CRYAB: variants seen among roughly 807,000 people sequenced by gnomAD.
CRYAB encodes the protein alpha-crystallin B chain.
In CRYAB, 9 loss-of-function variants were observed where a neutral mutation model predicts 12.7. The observed-to-expected ratio is 0.71, with a 90% CI of 0.43 to 1.24. The LOEUF (loss-of-function observed/expected upper bound fraction) is 1.24, where lower values mean the gene tolerates loss of function less well. Ranked by LOEUF, CRYAB falls within the 50% of genes most tolerant of loss-of-function variation. The probability of loss-of-function intolerance (pLI) is 0.00; values close to 1 mark genes in which losing one functional copy is unlikely to be tolerated. For missense variants in CRYAB, 183 were observed against 226.6 expected (o/e 0.81, Z 1.24); for synonymous variants, 93 against 86.8 (o/e 1.07, Z -0.40).
upstream of CRYAB, chr11:111,913,682 C>T (rs782751614): frequency 2.5e-6 from 4 of 1,614,188 alleles, no homozygotes; most frequent in Non-Finnish European, 3.4e-6. Context: ...GCCACGGCTT[C>T]GTGTCCCGAG....
chr11:111,920,244 G>C (rs587767650), intron 1 of CRYAB, among the ~76,000 whole-genome samples: 1 of 151,884 alleles, frequency 6.6e-6, no homozygotes, highest in Admixed American at 6.5e-5. Flanking sequence ...ATAAATTAAA[G>C]GGCAGAAGTG....
chr11:111,912,493 C>CA, upstream of CRYAB: 1 of 430,588 alleles, frequency 2.3e-6, no homozygotes. Context: ...GTGAGGGTCT[C>CA]AGCGAGGCCT....
upstream of CRYAB, chr11:111,913,251 C>G (rs887558409): frequency 3.2e-6 from 2 of 630,740 alleles, no homozygotes; most frequent in African/African-American, 3.7e-5. Flanking sequence ...CCTCCCTTTC[C>G]TTTCCGTTCT....
Position 111,908,570 on chromosome 11 carries a change from G to A in CRYAB, c.*194C>T, listed in dbSNP as rs538657643. On this transcript the variant is annotated 3_prime_UTR_variant, in exon 3 of 3. Transcript: ENST00000650687. ...TAATGCAATCATAAATAGATCTGTG[G>A]TATCTGTATATTTATTTAAAAGTGT... 1.7e-6 allele frequency: 1 copy of A among 595,670 alleles called. No homozygotes were observed. Among genetic ancestry groups the A allele is most frequent in the African/African-American group, 1.9e-5 (1 of 53,964 alleles). 36.9% of individuals were successfully genotyped at this position (595,670 alleles called of 1,614,324 possible). A position where few individuals can be genotyped will look rare whatever the true frequency, so the allele number is the denominator to read the frequency against.
upstream of CRYAB, chr11:111,912,929 G>A: frequency 6.3e-7 from 1 of 1,591,216 alleles, no homozygotes; most frequent in Non-Finnish European, 8.5e-7. Context: ...AGAAGGTATG[G>A]CACAGACACC....
Position 111,908,860 on chromosome 11 carries a change from A to C in CRYAB, c.432T>G (p.Thr144=). The C allele has an allele frequency of 6.2e-7, 1 of 1,614,122 alleles. No individual in the cohort carries two copies. Among genetic ancestry groups the C allele is most frequent in the Non-Finnish European group, 8.5e-7 (1 of 1,180,014 alleles). Residue 144 remains threonine (T), a synonymous_variant, in exon 3 of 3, where the codon ACT becomes ACG. Transcript: ENST00000650687. ...AGACCTGTTTCCTTGGTCCATTCAC[A>C]GTGAGGACCCCATCAGATGACAGGG... The part of the protein sequence containing the change: ...TSSLSSDGVL[T]VNGPRKQVSG...
At chr11:111,917,434 T>A (rs1008936815), upstream of CRYAB, among the ~76,000 whole-genome samples, 3 of 152,038 alleles carry the variant, frequency 2.0e-5, no homozygotes, top group Non-Finnish European at 4.4e-5. Flanking sequence ...GAAAAGAAAG[T>A]AAGATGTGGG....
chr11:111,909,133 G>A lies in CRYAB; in HGVS notation c.325-166C>T, dbSNP rs1436922608. On this transcript the variant is annotated intron_variant, in intron 2 of 2. Coordinates refer to ENST00000650687, the MANE Select transcript of CRYAB (RefSeq NM_001289808.2). Reference sequence around the variant, plus strand: ...TCAGGGTTGCAGCTAAGATGAAATTGCCTAGGTAGTCACTCCTACCAGTGA... The same window carrying A: ...TCAGGGTTGCAGCTAAGATGAAATTACCTAGGTAGTCACTCCTACCAGTGA... The A allele has an allele frequency of 1.2e-5, 9 of 724,080 alleles. No individual in the cohort carries two copies. The Admixed American group carries it at 1.6e-4, about 13-fold the overall frequency. The allele number at this position is 724,080 out of a possible 1,614,324, so 44.9% of individuals were successfully genotyped here.
chr11:111,914,031 A>G, upstream of CRYAB: 1 of 795,808 alleles, frequency 1.3e-6, no homozygotes, highest in East Asian at 2.7e-5. Context: ...GTTTGGTCCC[A>G]TGGGACATGT....
chr11:111,909,304 G>C (rs1307797079), intron 2 of CRYAB: 3 of 460,932 alleles, frequency 6.5e-6, no homozygotes, highest in Non-Finnish European at 1.3e-5. Context: ...CTGAGTCCCT[G>C]AGGAAGCCCT....
At chr11:111,912,920 G>C, upstream of CRYAB, 6 of 1,601,826 alleles carry the variant, frequency 3.7e-6, no homozygotes, top group Non-Finnish European at 5.1e-6. Flanking sequence ...GCGCTTCGGA[G>C]AAGGTATGGC....
intron 1 of CRYAB, 135 bp from the exon 2 acceptor site, chr11:111,910,584 CT>C: frequency 1.7e-6 from 2 of 1,161,256 alleles, no homozygotes; most frequent in South Asian, 1.3e-5. Context: ...AAAAAATCTC[CT>C]TTTTAAATAA....
chr11:111,908,727 T>G lies in CRYAB; in HGVS notation c.*37A>C. The G allele has an allele frequency of 6.2e-7, 1 of 1,606,492 alleles. No individual in the cohort carries two copies. Among genetic ancestry groups the G allele is most frequent in the Non-Finnish European group, 8.5e-7 (1 of 1,174,828 alleles). ...GACTTTCATTCACTGGTGGGGAAAC[T>G]TTCTTGTTTTAAAAAATGCAATTCA... On this transcript the variant is annotated 3_prime_UTR_variant, in exon 3 of 3. Coordinates refer to ENST00000650687, the MANE Select transcript of CRYAB (RefSeq NM_001289808.2).
At chr11:111,917,089 C>G (rs1555166162), upstream of CRYAB, among the ~76,000 whole-genome samples, 1 of 152,128 alleles carries the variant, frequency 6.6e-6, no homozygotes, top group African/African-American at 2.4e-5. Context: ...ATCTTGAACT[C>G]CTGGGCTCAA....
At chr11:111,913,727 C>A, upstream of CRYAB, 1 of 1,614,114 alleles carries the variant, frequency 6.2e-7, no homozygotes, top group South Asian at 1.1e-5. Flanking sequence ...CTGCTGATGT[C>A]GACCCCTGGC....
rs148500053 is a variant in CRYAB, at chr11:111,911,640, C to T, written c.85G>A (p.Gly29Arg). ...SPSRLFDQFF[G>R]EHLLESDLFP... Reference sequence around the variant, plus strand: ...AGATCAGACTCCAACAGGTGCTCTCCGAAGAACTGGTCAAAGAGGCGGCTG... The same window carrying T: ...AGATCAGACTCCAACAGGTGCTCTCTGAAGAACTGGTCAAAGAGGCGGCTG... The change falls in exon 1 of 3, where the codon GGA becomes AGA. Residue 29 changes from glycine (G) to arginine (R), a missense_variant. Physicochemically the swap from Gly to Arg is moderately radical, Grantham distance 125. This residue lies in a region of CRYAB where 86 missense variants were observed against 96.1 expected (regional missense o/e 0.89). Transcript: ENST00000650687. The T allele has an allele frequency of 5.6e-6, 9 of 1,611,328 alleles. No homozygotes were observed. Among genetic ancestry groups the T allele is most frequent in the South Asian group, 2.2e-5 (2 of 90,354 alleles).
At chr11:111,911,946 C>T (rs1177868819), upstream of CRYAB, 1 of 559,108 alleles carries the variant, frequency 1.8e-6, no homozygotes, top group Non-Finnish European at 3.2e-6. Flanking sequence ...GACACAAACA[C>T]GTCTGAGCCG....
chr11:111,911,509 T>C lies in CRYAB; in HGVS notation c.201+15A>G, dbSNP rs1555165532. On this transcript the variant is annotated intron_variant, in intron 1 of 2. Transcript: ENST00000650687. ...CCAGTAAGGACTCTCCCGTCCTAGC[T>C]GTGGGGAGACTCACCTCTGAGAGTC... 1 of 1,603,194 alleles carries C rather than the reference T, an allele frequency of 6.2e-7. No homozygotes were observed. The highest frequency in any genetic ancestry group is 1.7e-5 in the Admixed American group (1 of 58,076).
At chr11:111,915,768 G>C (rs1965588493), upstream of CRYAB, among the ~76,000 whole-genome samples, 1 of 152,018 alleles carries the variant, frequency 6.6e-6, no homozygotes. Context: ...TTTTAGACAG[G>C]GTCTTGTTCT....
Sources: gnomAD v4.1 joint callset for allele counts (sites outside exome capture counted in the v4.1 genomes callset) on GRCh38, gnomAD v4.1.1 for gene constraint, gnomAD v4.1.1 regional missense constraint, MANE v1.5 for transcripts, NCBI Gene and HGNC (gene_info 2026-07-23, HGNC 2026-07-21) for gene names.